Variants in CHCHD3 observed in about 807,000 individuals in gnomAD.
The protein encoded by CHCHD3 is coiled-coil-helix-coiled-coil-helix domain containing 3.
A neutral mutation model predicts 38.2 loss-of-function variants in CHCHD3; 20 were observed. The observed-to-expected ratio is 0.52, with a 90% CI of 0.37 to 0.76. The LOEUF (loss-of-function observed/expected upper bound fraction) is 0.76. Ranked by LOEUF, CHCHD3 falls within the 30% of genes least tolerant of loss-of-function variation. The pLI, the probability that CHCHD3 is intolerant of heterozygous loss-of-function variation, is 0.00. For synonymous variants in CHCHD3, 82 were observed against 100.0 expected (o/e 0.82, Z 1.07); for missense variants, 245 against 279.2 (o/e 0.88, Z 0.87).
intron 2 of CHCHD3, among the ~76,000 whole-genome samples, chr7:133,028,300 C>CTAGG (rs888550555): frequency 1.3e-5 from 2 of 152,148 alleles, no homozygotes; most frequent in African/African-American, 4.8e-5. Context: ...TCAATTAAAA[C>CTAGG]TAGGCTTCTG....
At chr7:132,856,587 G>C (rs866375466) in intron 5 of CHCHD3, among the ~76,000 whole-genome samples, 4 of 152,130 alleles carry the variant, frequency 2.6e-5, no homozygotes, top group Middle Eastern at 3.2e-3. Context: ...TCGCCTTATT[G>C]CTCAGTGTGA....
At chr7:133,009,302 T>C (rs2117407379) in intron 3 of CHCHD3, among the ~76,000 whole-genome samples, 1 of 144,382 alleles carries the variant, frequency 6.9e-6, no homozygotes, top group East Asian at 2.0e-4. Context: ...AGGCAGAGGT[T>C]GCAGTGAGCC....
chr7:132,911,586 G>A (rs1255582147), intron 4 of CHCHD3, among the ~76,000 whole-genome samples: 1 of 152,186 alleles, frequency 6.6e-6, no homozygotes, highest in Non-Finnish European at 1.5e-5. Context: ...AGTGATTTGG[G>A]AAAATACAAG....
chr7:132,915,402 T>C (rs1810078129), intron 4 of CHCHD3, among the ~76,000 whole-genome samples: 1 of 152,110 alleles, frequency 6.6e-6, no homozygotes, highest in African/African-American at 2.4e-5. Context: ...GAGGATGATT[T>C]TTCTCACTCC....
chr7:132,847,360 C>T (rs1808101655), intron 5 of CHCHD3: 1 of 152,192 alleles, frequency 6.6e-6, no homozygotes, highest in African/African-American at 2.4e-5. Context: ...GCTGAGGTGA[C>T]AGCACAAAAT....
intron 5 of CHCHD3, among the ~76,000 whole-genome samples, chr7:132,875,737 G>A (rs1808880824): frequency 6.6e-6 from 1 of 152,162 alleles, no homozygotes; most frequent in Non-Finnish European, 1.5e-5. Flanking sequence ...TTGAATGAGT[G>A]GTGAATGCCA....
chr7:132,958,481 T>C (rs1811234207), intron 4 of CHCHD3, among the ~76,000 whole-genome samples: 1 of 152,160 alleles, frequency 6.6e-6, no homozygotes, highest in African/African-American at 2.4e-5. Context: ...TTTCCATCCA[T>C]GGAGATGTAC....
intron 4 of CHCHD3, among the ~76,000 whole-genome samples, chr7:132,897,125 A>T (rs1809521061): frequency 6.6e-6 from 1 of 152,206 alleles, no homozygotes; most frequent in Non-Finnish European, 1.5e-5. Context: ...ATACTCAAAT[A>T]TCTCTATCTT....
chr7:133,026,700 T>C (rs1226069569), intron 2 of CHCHD3, among the ~76,000 whole-genome samples: 5 of 152,106 alleles, frequency 3.3e-5, no homozygotes, highest in Non-Finnish European at 7.4e-5. Flanking sequence ...GCCATAAAAA[T>C]TAATGAACTA....
intron 2 of CHCHD3, among the ~76,000 whole-genome samples, chr7:133,039,281 G>C (rs1490666691): frequency 6.6e-6 from 1 of 152,146 alleles, no homozygotes; most frequent in Non-Finnish European, 1.5e-5. Flanking sequence ...AATGACAAAT[G>C]ACAGGACACG....
At chr7:132,978,728 A>T (rs1234347749) in intron 3 of CHCHD3, among the ~76,000 whole-genome samples, 2 of 152,192 alleles carry the variant, frequency 1.3e-5, no homozygotes, top group Non-Finnish European at 2.9e-5. Flanking sequence ...AATAGCCTAC[A>T]ACAGGAGGTG....
intron 4 of CHCHD3, among the ~76,000 whole-genome samples, chr7:132,900,757 A>C (rs571652372): frequency 3.9e-4 from 59 of 152,334 alleles, no homozygotes; most frequent in Admixed American, 1.8e-3. Context: ...TTGGAAGGCC[A>C]AGTCGGGTGG....
intron 3 of CHCHD3, among the ~76,000 whole-genome samples, chr7:132,990,937 T>TACACAGAC (rs1187214807): frequency 2.0e-5 from 2 of 98,850 alleles, no homozygotes; most frequent in South Asian, 2.9e-4. Context: ...TCTGCTCCCC[T>TACACAGAC]ACACAGACAC....
At position 132,839,763 on chromosome 7, in the gene CHCHD3, T is replaced by A. The variant is rs148521000; in HGVS notation, c.454-1294A>T. Among the ~76,000 whole-genome samples, 77 of 152,288 alleles carry A rather than the reference T, an allele frequency of 5.1e-4. 1 individual carries two copies. In the East Asian group the frequency reaches 0.013, roughly 25 times the overall value. On this transcript the variant is annotated intron_variant, in intron 5 of 7. Transcript: ENST00000262570. Reference sequence around the variant, plus strand: ...CTTGGATGTAGATAAAATCAATAGGTATGTGATTAGATAGCAGACTCAGGG... The same window carrying A: ...CTTGGATGTAGATAAAATCAATAGGAATGTGATTAGATAGCAGACTCAGGG...
At chr7:132,867,210 G>C (rs1360969536) in intron 5 of CHCHD3, among the ~76,000 whole-genome samples, 1 of 151,904 alleles carries the variant, frequency 6.6e-6, no homozygotes. Flanking sequence ...CCACATAGTA[G>C]GTTCTAAATA....
chr7:132,913,087 C>A (rs1809996779), intron 4 of CHCHD3, among the ~76,000 whole-genome samples: 1 of 152,138 alleles, frequency 6.6e-6, no homozygotes, highest in Non-Finnish European at 1.5e-5. Context: ...AAATCAAAAC[C>A]CCAACTGTGT....
At chr7:133,008,842 T>C (rs1812778793) in intron 3 of CHCHD3, among the ~76,000 whole-genome samples, 3 of 152,130 alleles carry the variant, frequency 2.0e-5, no homozygotes, top group Admixed American at 2.0e-4. Context: ...TTCTTCATTT[T>C]TCTCTCACTT....
intron 4 of CHCHD3, among the ~76,000 whole-genome samples, chr7:132,919,093 G>A (rs944456305): frequency 2.8e-5 from 3 of 106,266 alleles, no homozygotes; most frequent in African/African-American, 1.1e-4. Flanking sequence ...ATATAGTTGG[G>A]TTTATTCTTT....
intron 4 of CHCHD3, chr7:132,886,997 T>C: frequency 2.3e-6 from 3 of 1,285,156 alleles, no homozygotes; most frequent in Non-Finnish European, 3.0e-6. Context: ...TCCTGCAGCA[T>C]GTTAAAAATA....
Sources: gnomAD v4.1 joint callset for allele counts (sites outside exome capture counted in the v4.1 genomes callset) on GRCh38, gnomAD v4.1.1 for gene constraint, MANE v1.5 for transcripts, NCBI Gene and HGNC (gene_info 2026-07-23, HGNC 2026-07-21) for gene names.